Variants in EDN1 observed in about 807,000 individuals in gnomAD.
EDN1 encodes the protein endothelin-1.
A neutral mutation model predicts 21.7 loss-of-function variants in EDN1; 11 were observed. That is an observed-to-expected ratio of 0.51 (90% CI 0.32 to 0.84). The LOEUF (loss-of-function observed/expected upper bound fraction) is 0.84. EDN1 is among the 40% of genes least tolerant of loss of function. The pLI, the probability that EDN1 is intolerant of heterozygous loss-of-function variation, is 0.03. For synonymous variants in EDN1, 85 were observed against 90.6 expected, an observed-to-expected ratio of 0.94 and a Z score of 0.35; for missense variants, 244 against 262.3, an observed-to-expected ratio of 0.93 and a Z score of 0.48.
chr6:12,294,197 T>C, intron 3 of EDN1, 64 bp from the exon 4 acceptor site: 1 of 1,613,486 alleles, frequency 6.2e-7, no homozygotes, highest in Non-Finnish European at 8.5e-7. Flanking sequence ...AACAGAGACA[T>C]TGAAAGTCAG....
the EDN1 span, among the ~76,000 whole-genome samples, chr6:12,257,093 T>C: frequency 2.0e-5 from 3 of 152,216 alleles, no homozygotes; most frequent in Non-Finnish European, 4.4e-5. Flanking sequence ...GCTAATCTAA[T>C]TTCAAAATAG....
chr6:12,290,109 G>T (rs1029967760), upstream of EDN1, among the ~76,000 whole-genome samples: 2 of 152,136 alleles, frequency 1.3e-5, no homozygotes, highest in Non-Finnish European at 2.9e-5. Context: ...CACTGCACGG[G>T]CAGGTTTAGC....
the EDN1 span, among the ~76,000 whole-genome samples, chr6:12,281,414 G>A: frequency 6.6e-6 from 1 of 150,784 alleles, no homozygotes; most frequent in Non-Finnish European, 1.5e-5. Flanking sequence ...CAATTGATAT[G>A]ACTGTCTCCA....
At chr6:12,276,789 C>A in the EDN1 span, among the ~76,000 whole-genome samples, 1 of 152,200 alleles carries the variant, frequency 6.6e-6, no homozygotes, top group Non-Finnish European at 1.5e-5. Context: ...GCTCAAACAC[C>A]AATGCCTGGG....
chr6:12,270,713 G>T, the EDN1 span, among the ~76,000 whole-genome samples: 30 of 152,278 alleles, frequency 2.0e-4, 1 homozygote, highest in Non-Finnish European at 2.9e-5. Flanking sequence ...ATCCTGAGAA[G>T]GTTTCATGTG....
At chr6:12,270,258 T>A in the EDN1 span, among the ~76,000 whole-genome samples, 3 of 151,992 alleles carry the variant, frequency 2.0e-5, no homozygotes, top group African/African-American at 7.2e-5. Context: ...ATCTTTTTAA[T>A]TTTTTTCTCT....
the EDN1 span, among the ~76,000 whole-genome samples, chr6:12,232,271 T>C: frequency 3.3e-5 from 5 of 149,570 alleles, no homozygotes; most frequent in South Asian, 1.0e-3. Context: ...ATATACACTT[T>C]ATATGGTAAC....
chr6:12,265,652 A>C, the EDN1 span, among the ~76,000 whole-genome samples: 4 of 152,220 alleles, frequency 2.6e-5, no homozygotes, highest in African/African-American at 7.2e-5. Context: ...TGTTGAAGAC[A>C]CCCAGTCTGT....
the EDN1 span, among the ~76,000 whole-genome samples, chr6:12,260,402 C>G: frequency 6.6e-6 from 1 of 152,172 alleles, no homozygotes; most frequent in Admixed American, 6.5e-5. Context: ...GAGTTCAATT[C>G]TCTGAAAGCA....
the EDN1 span, among the ~76,000 whole-genome samples, chr6:12,238,408 C>G: frequency 3.9e-5 from 6 of 152,108 alleles, no homozygotes; most frequent in Admixed American, 1.3e-4. Context: ...CCACTCTACT[C>G]CCACTCAAGT....
At chr6:12,263,066 T>A in the EDN1 span, among the ~76,000 whole-genome samples, 3 of 152,158 alleles carry the variant, frequency 2.0e-5, no homozygotes, top group African/African-American at 7.2e-5. Flanking sequence ...GCAGGACACA[T>A]AACTGTGAAG....
At chr6:12,236,423 AT>A in the EDN1 span, among the ~76,000 whole-genome samples, 2,956 of 151,478 alleles carry the variant, frequency 0.02, 43 homozygotes, top group Non-Finnish European at 0.03. Context: ...ACACTAGGCT[AT>A]TTTTTTTGTA....
chr6:12,294,082 A>G lies in EDN1; in HGVS notation c.375A>G (p.Ala125=), dbSNP rs1328944177. 1 of 1,614,194 alleles carries G rather than the reference A, an allele frequency of 6.2e-7. No homozygotes were observed. The change falls in exon 3 of 5, where the codon GCA becomes GCG. Residue 125 remains alanine (A), a synonymous_variant. Coordinates refer to ENST00000379375, the MANE Select transcript of EDN1 (RefSeq NM_001955.5). ...AGAAGTGCTGGAATTTTTGCCAAGC[A>G]GGAAAAGAACTCAGGTGAGCAGAAA... is the stretch of plus-strand genomic sequence containing the variant. ...KDKKCWNFCQ[A]GKELRAEDIM...
the EDN1 span, among the ~76,000 whole-genome samples, chr6:12,258,470 A>AAAAAAAAAG: frequency 1.3e-5 from 2 of 151,188 alleles, no homozygotes; most frequent in Admixed American, 6.6e-5. Context: ...AAAAAAAAAA[A>AAAAAAAAAG]AGCCAATTAC....
the EDN1 span, among the ~76,000 whole-genome samples, chr6:12,284,748 G>GAAGAAAGAAAGAAAGAAAGA: frequency 7.6e-5 from 6 of 78,536 alleles, no homozygotes; most frequent in East Asian, 3.9e-4. Context: ...AGGAAGGAAG[G>GAAGAAAGAAAGAAAGAAAGA]AAGAAAGAAA....
At chr6:12,272,462 T>TC in the EDN1 span, among the ~76,000 whole-genome samples, 1 of 147,610 alleles carries the variant, frequency 6.8e-6, no homozygotes, top group East Asian at 1.9e-4. Context: ...CTTTTTTTTT[T>TC]TTTTTTTTTT....
chr6:12,264,642 C>CAA, the EDN1 span, among the ~76,000 whole-genome samples: 1 of 152,104 alleles, frequency 6.6e-6, no homozygotes, highest in Non-Finnish European at 1.5e-5. Context: ...CAAAAAAACT[C>CAA]AATGTTTTAA....
the EDN1 span, among the ~76,000 whole-genome samples, chr6:12,266,476 G>T: frequency 6.6e-6 from 1 of 152,154 alleles, no homozygotes; most frequent in Non-Finnish European, 1.5e-5. Context: ...ATCTAATGGG[G>T]ATCCAGGCAG....
the EDN1 span, among the ~76,000 whole-genome samples, chr6:12,234,280 C>T: frequency 6.6e-6 from 1 of 152,204 alleles, no homozygotes; most frequent in Non-Finnish European, 1.5e-5. Context: ...GATCTGAAAA[C>T]TGACTCCCAG....
Sources: gnomAD v4.1 joint callset for allele counts (sites outside exome capture counted in the v4.1 genomes callset) on GRCh38, gnomAD v4.1.1 for gene constraint, MANE v1.5 for transcripts, NCBI Gene and HGNC (gene_info 2026-07-23, HGNC 2026-07-21) for gene names.